Variants in TUSC3 observed in about 807,000 individuals in gnomAD.
TUSC3 encodes tumor suppressor candidate 3.
A neutral mutation model predicts 44.8 loss-of-function variants in TUSC3; 45 were observed. The ratio of observed to expected loss-of-function variants is 1.00; its 90% confidence interval spans 0.79 to 1.29. TUSC3 has a LOEUF of 1.29. TUSC3 is among the 50% of genes most tolerant of loss of function. The pLI is 0.00. For synonymous variants in TUSC3, 212 were observed against 152.9 expected, an observed-to-expected ratio of 1.39 and a Z score of -2.85; for missense variants, 519 against 437.9, an observed-to-expected ratio of 1.19 and a Z score of -1.65.
chr8:15,449,932 C>A (rs1800171763), intron 1 of TUSC3, among the ~76,000 whole-genome samples: 1 of 152,030 alleles, frequency 6.6e-6, no homozygotes, highest in Non-Finnish European at 1.5e-5. Flanking sequence ...TGTAGTCATG[C>A]TGTACAGCTT....
intron 6 of TUSC3, among the ~76,000 whole-genome samples, chr8:15,683,393 G>A (rs1808501446): frequency 6.6e-6 from 1 of 151,992 alleles, no homozygotes; most frequent in Non-Finnish European, 1.5e-5. Flanking sequence ...AAGGAGTGAT[G>A]TTCAGGCTCT....
intron 1 of TUSC3, among the ~76,000 whole-genome samples, chr8:15,557,782 C>T (rs1306202431): frequency 7.3e-6 from 1 of 137,760 alleles, no homozygotes; most frequent in Non-Finnish European, 1.6e-5. Context: ...AATGGGAGTT[C>T]ACTCATGATT....
chr8:15,552,373 C>T (rs1344446189), intron 1 of TUSC3, among the ~76,000 whole-genome samples: 1 of 151,572 alleles, frequency 6.6e-6, no homozygotes, highest in Admixed American at 6.6e-5. Flanking sequence ...ATAAGACAGC[C>T]ATTGTCCCGG....
At chr8:15,493,397 G>A (rs530768916) in intron 2 of TUSC3, among the ~76,000 whole-genome samples, 4 of 152,114 alleles carry the variant, frequency 2.6e-5, no homozygotes, top group African/African-American at 9.6e-5. Context: ...AGTAGTTGGG[G>A]TTATACAGGC....
At chr8:15,678,271 T>C (rs1023503686) in intron 6 of TUSC3, among the ~76,000 whole-genome samples, 5 of 152,188 alleles carry the variant, frequency 3.3e-5, no homozygotes, top group African/African-American at 1.2e-4. Flanking sequence ...GAAAGCCATC[T>C]AGTCAAAGAA....
intron 9 of TUSC3, among the ~76,000 whole-genome samples, chr8:15,749,652 C>G (rs1217094888): frequency 6.6e-6 from 1 of 151,334 alleles, no homozygotes; most frequent in Non-Finnish European, 1.5e-5. Context: ...TTACTCTTGA[C>G]TTTAGAGAGC....
intron 1 of TUSC3, among the ~76,000 whole-genome samples, chr8:15,438,009 C>T (rs894598635): frequency 5.9e-5 from 9 of 152,158 alleles, no homozygotes; most frequent in African/African-American, 2.2e-4. Flanking sequence ...CTACTTCTTA[C>T]CAGCAGGTTG....
chr8:15,453,445 A>C (rs529405381), intron 1 of TUSC3, among the ~76,000 whole-genome samples: 2 of 152,302 alleles, frequency 1.3e-5, no homozygotes, highest in East Asian at 1.9e-4. Context: ...CAGCATCTTT[A>C]AATAAAAAAC....
chr8:15,732,488 AC>A (rs1238327414), intron 7 of TUSC3, among the ~76,000 whole-genome samples: 13 of 152,074 alleles, frequency 8.5e-5, no homozygotes, highest in Admixed American at 8.5e-4. Context: ...TTTATAAATT[AC>A]CCAAGCTCAT....
At chr8:15,737,061 C>A (rs970717185) in intron 7 of TUSC3, among the ~76,000 whole-genome samples, 3 of 151,934 alleles carry the variant, frequency 2.0e-5, no homozygotes, top group African/African-American at 7.3e-5. Flanking sequence ...TTTCTGTGAG[C>A]AAAACATTTT....
At chr8:15,846,877 G>T in the TUSC3 span, among the ~76,000 whole-genome samples, 1 of 135,364 alleles carries the variant, frequency 7.4e-6, no homozygotes, top group African/African-American at 2.8e-5. Context: ...ATGATAATTT[G>T]AAAAAAAAAA....
At chr8:15,680,685 C>G (rs965766909) in intron 6 of TUSC3, among the ~76,000 whole-genome samples, 3 of 152,024 alleles carry the variant, frequency 2.0e-5, no homozygotes, top group African/African-American at 7.2e-5. Context: ...GAGAATGGTT[C>G]CAGCTTTTGC....
intron 2 of TUSC3, among the ~76,000 whole-genome samples, chr8:15,500,180 T>C (rs1031987574): frequency 4.6e-5 from 7 of 152,188 alleles, no homozygotes; most frequent in African/African-American, 9.7e-5. Context: ...TACGGAGCTG[T>C]ACACGTATCT....
the TUSC3 span, chr8:15,806,280 T>A: frequency 1.3e-5 from 8 of 633,486 alleles, no homozygotes; most frequent in Admixed American, 1.3e-4. Context: ...GATGTTCTCA[T>A]TGGCTAATGT....
At chr8:15,495,059 C>T (rs999921704) in intron 2 of TUSC3, among the ~76,000 whole-genome samples, 4 of 152,228 alleles carry the variant, frequency 2.6e-5, no homozygotes, top group African/African-American at 9.6e-5. Flanking sequence ...CCAGCTCCAT[C>T]TTTGCTGCTG....
chr8:15,742,827 C>G (rs1811252205), intron 7 of TUSC3, among the ~76,000 whole-genome samples: 1 of 152,186 alleles, frequency 6.6e-6, no homozygotes, highest in Non-Finnish European at 1.5e-5. Context: ...GTTGTAATGA[C>G]ATGGCAAAGA....
Position 15,697,520 on chromosome 8 carries a change from G to T in TUSC3, c.798+23684G>T, listed in dbSNP as rs934113075. Among the ~76,000 whole-genome samples, 4 of 152,204 alleles carry T rather than the reference G, an allele frequency of 2.6e-5. No individual in the cohort carries two copies. In the East Asian group the frequency reaches 7.7e-4, roughly 29 times the overall value. The stretch of plus-strand genomic sequence containing the variant: ...TGCCAAGTGCTGGGGGGTCTAGTTC[G>T]CTATCTTGCTACAACTTTCTCAAAT... On this transcript the variant is annotated intron_variant, in intron 6 of 10. Coordinates refer to ENST00000503731, the MANE Select transcript of TUSC3 (RefSeq NM_006765.4).
At chr8:15,683,115 G>T (rs1379514681) in intron 6 of TUSC3, among the ~76,000 whole-genome samples, 1 of 152,124 alleles carries the variant, frequency 6.6e-6, no homozygotes, top group Non-Finnish European at 1.5e-5. Flanking sequence ...AAAGGCTGAT[G>T]ACTATTTGCC....
At chr8:15,813,828 G>A in the TUSC3 span, among the ~76,000 whole-genome samples, 2 of 151,954 alleles carry the variant, frequency 1.3e-5, no homozygotes, top group South Asian at 2.1e-4. Flanking sequence ...GCTAACCATC[G>A]AAGTATTACG....
Sources: gnomAD v4.1 joint callset for allele counts (sites outside exome capture counted in the v4.1 genomes callset) on GRCh38, gnomAD v4.1.1 for gene constraint, MANE v1.5 for transcripts, NCBI Gene and HGNC (gene_info 2026-07-23, HGNC 2026-07-21) for gene names.